The following NFIB variants were observed in gnomAD, a reference collection of about 807,000 sequenced individuals.
NFIB encodes nuclear factor 1 B-type.
In NFIB, 11 loss-of-function variants were observed where a neutral mutation model predicts 61.5. That is an observed-to-expected ratio of 0.18 (90% CI 0.11 to 0.30). NFIB has a LOEUF of 0.30. Ranked by LOEUF, NFIB falls within the 10% of genes least tolerant of loss-of-function variation. The pLI is 1.00. For missense variants in NFIB, 471 were observed against 608.9 expected (o/e 0.77, Z 2.38); for synonymous variants, 260 against 216.5 (o/e 1.20, Z -1.76).
At chr9:14,198,993 C>T (rs1450785646) in intron 2 of NFIB, among the ~76,000 whole-genome samples, 1 of 152,202 alleles carries the variant, frequency 6.6e-6, no homozygotes, top group African/African-American at 2.4e-5. Context: ...CTCTATCACA[C>T]TTCACAGAGC....
At chr9:14,323,138 T>G (rs1195449028) in intron 1 of NFIB, among the ~76,000 whole-genome samples, 1 of 152,192 alleles carries the variant, frequency 6.6e-6, no homozygotes, top group Admixed American at 6.5e-5. Context: ...AGCGTTATCA[T>G]TAAAGCAAAA....
At chr9:14,143,991 A>AGTGTGTAT in intron 6 of NFIB, among the ~76,000 whole-genome samples, 1 of 134,232 alleles carries the variant, frequency 7.4e-6, no homozygotes. Context: ...AAAGTGACAG[A>AGTGTGTAT]GTGTGTGTGT....
intron 1 of NFIB, among the ~76,000 whole-genome samples, chr9:14,310,434 A>C (rs2060226311): frequency 6.6e-6 from 1 of 152,176 alleles, no homozygotes. Flanking sequence ...TTCTGTATTA[A>C]CATGCCTAAA....
chr9:14,426,050 T>C, the NFIB span, among the ~76,000 whole-genome samples: 2 of 152,196 alleles, frequency 1.3e-5, no homozygotes, highest in African/African-American at 4.8e-5. Context: ...CTTTTTACTC[T>C]GCCTTTTTTG....
chr9:14,376,714 CA>C (rs1046365860), intron 1 of NFIB, among the ~76,000 whole-genome samples: 3 of 152,028 alleles, frequency 2.0e-5, no homozygotes, highest in African/African-American at 7.2e-5. Flanking sequence ...GACAGGGTTT[CA>C]CCATGTTGGC....
chr9:14,280,509 A>G (rs145871878), intron 2 of NFIB, among the ~76,000 whole-genome samples: 1 of 152,284 alleles, frequency 6.6e-6, no homozygotes, highest in African/African-American at 2.4e-5. Context: ...ACTTATTTTA[A>G]AACTAGATTA....
chr9:14,434,971 T>C, the NFIB span, among the ~76,000 whole-genome samples: 1 of 152,230 alleles, frequency 6.6e-6, no homozygotes, highest in African/African-American at 2.4e-5. Context: ...CTAAGGCTTC[T>C]AGAAGGAGGA....
chr9:14,137,541 C>A (rs1199590891), intron 6 of NFIB, among the ~76,000 whole-genome samples: 1 of 152,058 alleles, frequency 6.6e-6, no homozygotes, highest in South Asian at 2.1e-4. Context: ...TATTAGAACA[C>A]AAATCTTAGT....
At chr9:14,212,965 C>T (rs2050468321) in intron 2 of NFIB, among the ~76,000 whole-genome samples, 1 of 152,188 alleles carries the variant, frequency 6.6e-6, no homozygotes. Context: ...CTACTTCCTG[C>T]TTCCCCATTC....
the NFIB span, among the ~76,000 whole-genome samples, chr9:14,480,515 A>G: frequency 6.6e-6 from 1 of 152,076 alleles, no homozygotes; most frequent in South Asian, 2.1e-4. Flanking sequence ...GTGTTTATAC[A>G]CTCATCATAG....
At chr9:14,487,892 G>A in the NFIB span, among the ~76,000 whole-genome samples, 2 of 152,166 alleles carry the variant, frequency 1.3e-5, no homozygotes, top group Non-Finnish European at 1.5e-5. Flanking sequence ...GCAGGCACAG[G>A]AGGGCAGGGT....
At chr9:14,263,717 T>C (rs868495652) in intron 2 of NFIB, among the ~76,000 whole-genome samples, 1 of 152,204 alleles carries the variant, frequency 6.6e-6, no homozygotes, top group Admixed American at 6.5e-5. Context: ...GCCTACATTA[T>C]CAAATTCAGA....
intron 1 of NFIB, among the ~76,000 whole-genome samples, chr9:14,390,570 T>C (rs142936764): frequency 0.013 from 1,996 of 152,354 alleles, 49 homozygotes; most frequent in African/African-American, 0.045. Flanking sequence ...GACTGAATTT[T>C]TGTGTCCTCC....
At chr9:14,341,095 A>G (rs1479837239) in intron 1 of NFIB, among the ~76,000 whole-genome samples, 2 of 152,222 alleles carry the variant, frequency 1.3e-5, no homozygotes, top group Non-Finnish European at 2.9e-5. Flanking sequence ...TTCTTCCTGG[A>G]CAAGAGCCCA....
At chr9:14,355,896 G>C (rs1301856207) in intron 1 of NFIB, among the ~76,000 whole-genome samples, 5 of 151,932 alleles carry the variant, frequency 3.3e-5, no homozygotes. Flanking sequence ...GGCGGAGCTT[G>C]CAGTGAGCTG....
chr9:14,422,819 T>C, the NFIB span, among the ~76,000 whole-genome samples: 1 of 152,190 alleles, frequency 6.6e-6, no homozygotes, highest in South Asian at 2.1e-4. Context: ...GATAGCCCTG[T>C]GTTGTGGGAG....
chr9:14,207,769 G>A (rs577160739), intron 2 of NFIB, among the ~76,000 whole-genome samples: 1 of 152,282 alleles, frequency 6.6e-6, no homozygotes, highest in African/African-American at 2.4e-5. Context: ...GGTCTTGGCT[G>A]TACTTAACCA....
At chr9:14,355,544 C>G (rs547049044) in intron 1 of NFIB, among the ~76,000 whole-genome samples, 8 of 152,346 alleles carry the variant, frequency 5.3e-5, no homozygotes, top group Admixed American at 2.0e-4. Context: ...TTACCAGATT[C>G]TCTATTTGAA....
chr9:14,368,744 C>G (rs956717956), intron 1 of NFIB, among the ~76,000 whole-genome samples: 2 of 152,188 alleles, frequency 1.3e-5, no homozygotes, highest in African/African-American at 4.8e-5. Flanking sequence ...TCCATTCCCT[C>G]ATATTTTGGT....
Sources: gnomAD v4.1 joint callset for allele counts (sites outside exome capture counted in the v4.1 genomes callset) on GRCh38, gnomAD v4.1.1 for gene constraint, MANE v1.5 for transcripts, NCBI Gene and HGNC (gene_info 2026-07-23, HGNC 2026-07-21) for gene names.